Variants in EYS observed in about 807,000 individuals in gnomAD.
EYS encodes protein eyes shut homolog.
EYS carries 250 observed loss-of-function variants against 282.1 expected under a neutral mutation model. The observed-to-expected ratio is 0.89, with a 90% CI of 0.80 to 0.98. EYS has a LOEUF of 0.98. EYS is among the 50% of genes least tolerant of loss of function. The pLI is 0.00. For synonymous variants in EYS, 1,355 were observed against 1,282.9 expected (o/e 1.06, Z -1.20); for missense variants, 4,016 against 3,709.0 (o/e 1.08, Z -2.15).
At chr6:63,764,643 A>G (rs988113241) in intron 40 of EYS, among the ~76,000 whole-genome samples, 5 of 151,996 alleles carry the variant, frequency 3.3e-5, no homozygotes, top group African/African-American at 9.7e-5. Context: ...ACTTTATTGT[A>G]TATATTTAAG....
At chr6:64,071,085 A>G (rs912939935) in intron 32 of EYS, among the ~76,000 whole-genome samples, 1 of 152,042 alleles carries the variant, frequency 6.6e-6, no homozygotes, top group African/African-American at 2.4e-5. Flanking sequence ...TGTTTCTTTA[A>G]CAATTCAGCA....
intron 26 of EYS, among the ~76,000 whole-genome samples, chr6:64,488,650 AAAAAT>A (rs1182995728): frequency 7.9e-5 from 12 of 151,216 alleles, no homozygotes; most frequent in African/African-American, 2.4e-4. Flanking sequence ...TGTTTATAAT[AAAAAT>A]AAAATAGAGT....
intron 22 of EYS, among the ~76,000 whole-genome samples, chr6:64,685,971 T>A (rs1238197614): frequency 6.6e-6 from 1 of 151,684 alleles, no homozygotes; most frequent in Non-Finnish European, 1.5e-5. Context: ...ATAAACTCAA[T>A]GGAAAGCAAT....
intron 36 of EYS, among the ~76,000 whole-genome samples, chr6:63,824,614 G>A (rs751416517): frequency 2.4e-4 from 36 of 152,128 alleles, no homozygotes; most frequent in Non-Finnish European, 4.3e-4. Flanking sequence ...CTCCTCTCCC[G>A]AGCACATACC....
At chr6:65,042,093 G>A (rs1297718625) in intron 13 of EYS, among the ~76,000 whole-genome samples, 3 of 151,480 alleles carry the variant, frequency 2.0e-5, no homozygotes, top group Non-Finnish European at 4.4e-5. Flanking sequence ...TTTGTTGACT[G>A]GAGTTACTGA....
At chr6:64,064,909 T>C (rs998325614) in intron 33 of EYS, among the ~76,000 whole-genome samples, 1 of 152,208 alleles carries the variant, frequency 6.6e-6, no homozygotes, top group Admixed American at 6.5e-5. Flanking sequence ...TTAGAAATGG[T>C]TGAAATATTT....
intron 12 of EYS, among the ~76,000 whole-genome samples, chr6:65,295,208 T>A (rs2150285783): frequency 6.6e-6 from 1 of 150,692 alleles, no homozygotes; most frequent in South Asian, 2.1e-4. Flanking sequence ...ACTGTTCTGA[T>A]TTTATAAGGT....
At chr6:65,376,932 T>G (rs1765390634) in intron 8 of EYS, among the ~76,000 whole-genome samples, 1 of 152,102 alleles carries the variant, frequency 6.6e-6, no homozygotes, top group Admixed American at 6.6e-5. Context: ...GTGGGAGACT[T>G]TAACACTCCA....
chr6:65,253,080 G>A (rs1172318390), intron 12 of EYS, among the ~76,000 whole-genome samples: 1 of 151,886 alleles, frequency 6.6e-6, no homozygotes, highest in East Asian at 1.9e-4. Context: ...ACCCCACTGT[G>A]CTAAAACACA....
intron 35 of EYS, among the ~76,000 whole-genome samples, chr6:63,934,528 A>G (rs191729891): frequency 1.6e-3 from 240 of 152,320 alleles, no homozygotes; most frequent in Non-Finnish European, 2.8e-3. Flanking sequence ...GTCTGGATTA[A>G]GAAAATGTGG....
intron 12 of EYS, among the ~76,000 whole-genome samples, chr6:65,280,743 C>T (rs1388909093): frequency 1.3e-5 from 2 of 151,384 alleles, no homozygotes; most frequent in Non-Finnish European, 2.9e-5. Context: ...CCTGGCTGGG[C>T]GCAGTGGCTC....
intron 2 of EYS, among the ~76,000 whole-genome samples, chr6:65,552,235 G>A (rs939096931): frequency 6.6e-6 from 1 of 152,026 alleles, no homozygotes; most frequent in Non-Finnish European, 1.5e-5. Context: ...TTGTTATCTC[G>A]ACTACTTTGC....
intron 19 of EYS, among the ~76,000 whole-genome samples, chr6:64,866,598 C>T (rs1005385960): frequency 6.6e-6 from 1 of 151,576 alleles, no homozygotes; most frequent in Non-Finnish European, 1.5e-5. Flanking sequence ...TTTATGATTC[C>T]CAAACTGTTT....
chr6:64,978,052 T>C (rs770546841), intron 14 of EYS, among the ~76,000 whole-genome samples: 1 of 151,984 alleles, frequency 6.6e-6, no homozygotes, highest in Non-Finnish European at 1.5e-5. Flanking sequence ...GCTAAGATGA[T>C]TGATGAAGGT....
At chr6:64,566,077 A>C (rs1765559418) in intron 26 of EYS, among the ~76,000 whole-genome samples, 1 of 151,908 alleles carries the variant, frequency 6.6e-6, no homozygotes, top group Non-Finnish European at 1.5e-5. Flanking sequence ...GGCTTTCTAT[A>C]TTATTTCAAA....
At chr6:64,772,816 A>T (rs887754681) in intron 22 of EYS, among the ~76,000 whole-genome samples, 1 of 151,702 alleles carries the variant, frequency 6.6e-6, no homozygotes, top group African/African-American at 2.4e-5. Flanking sequence ...TTTTAGTTTC[A>T]TCCACGTTGT....
chr6:63,850,910 G>T (rs2149702854), intron 36 of EYS, among the ~76,000 whole-genome samples: 1 of 152,320 alleles, frequency 6.6e-6, no homozygotes, highest in South Asian at 2.1e-4. Context: ...ACCCCTTGGT[G>T]TGTTGTATTC....
chr6:64,501,434 A>ATATG (rs981140052), intron 26 of EYS, among the ~76,000 whole-genome samples: 2 of 152,110 alleles, frequency 1.3e-5, no homozygotes, highest in Non-Finnish European at 2.9e-5. Context: ...ACTATTTTAA[A>ATATG]TATGTATGTA....
chr6:63,775,889 T>C (rs1034566985), intron 40 of EYS, among the ~76,000 whole-genome samples: 16 of 152,192 alleles, frequency 1.1e-4, no homozygotes, highest in African/African-American at 3.9e-4. Flanking sequence ...TTCAGGGATC[T>C]GTAAATTTAA....
Sources: gnomAD v4.1 joint callset for allele counts (sites outside exome capture counted in the v4.1 genomes callset) on GRCh38, gnomAD v4.1.1 for gene constraint, MANE v1.5 for transcripts, NCBI Gene and HGNC (gene_info 2026-07-23, HGNC 2026-07-21) for gene names.